C2CD5: variants seen among roughly 807,000 people sequenced by gnomAD.
C2CD5 encodes the protein C2 domain-containing protein 5.
C2CD5 carries 109 observed loss-of-function variants against 130.3 expected under a neutral mutation model. The ratio of observed to expected loss-of-function variants is 0.84; its 90% CI spans 0.72 to 0.98. The LOEUF is 0.98. Among genes scored for constraint, C2CD5 ranks in the 50% least tolerant of loss-of-function variants. The pLI is 0.00. For synonymous variants in C2CD5, 454 were observed against 429.2 expected (o/e 1.06, Z -0.71); for missense variants, 996 against 1,261.8 (o/e 0.79, Z 3.19).
intron 22 of C2CD5, chr12:22,463,384 CTT>C (rs1193525845): frequency 2.0e-5 from 3 of 150,622 alleles, no homozygotes; most frequent in East Asian, 2.0e-4. Context: ...GAGGGAGACT[CTT>C]GTCTCAAAAA....
At chr12:22,541,036 C>T (rs1253241925) in intron 2 of C2CD5, among the ~76,000 whole-genome samples, 1 of 152,108 alleles carries the variant, frequency 6.6e-6, no homozygotes, top group Admixed American at 6.5e-5. Context: ...AGTTGAGAAA[C>T]ACTGGCTTGT....
intron 9 of C2CD5, among the ~76,000 whole-genome samples, chr12:22,511,882 T>C (rs1242082277): frequency 6.6e-6 from 1 of 152,114 alleles, no homozygotes; most frequent in Non-Finnish European, 1.5e-5. Context: ...ATTCCTCTTG[T>C]GAAAAACTCT....
At chr12:22,454,310 T>G (rs1400155993) in intron 25 of C2CD5, among the ~76,000 whole-genome samples, 6 of 152,130 alleles carry the variant, frequency 3.9e-5, no homozygotes. Context: ...CTAGCTATGA[T>G]CAAATTAGCT....
rs73076699 is a variant in C2CD5 at position 22,533,134 on chromosome 12, T to A, written c.177+2124A>T. The stretch of plus-strand genomic sequence containing the variant: ...AAAACATTGCTGGCACAGGGAACAA[T>A]AAATGACAAAGATGTTTAACTTGGG... On this transcript the variant is annotated intron_variant, in intron 3 of 26. Coordinates refer to ENST00000446597, the MANE Select transcript of C2CD5 (RefSeq NM_001286176.2). Among the ~76,000 whole-genome samples the A allele has an allele frequency of 7.8e-3, 1,186 of 152,070 alleles. 5 individuals are homozygous for A. Among genetic ancestry groups the A allele is most frequent in the Non-Finnish European group, 0.012 (801 of 67,974 alleles).
At chr12:22,532,414 GC>G (rs1311087060) in intron 3 of C2CD5, among the ~76,000 whole-genome samples, 4 of 151,568 alleles carry the variant, frequency 2.6e-5, no homozygotes, top group Non-Finnish European at 5.9e-5. Flanking sequence ...ATGCTTCATA[GC>G]CACCTCAATA....
In C2CD5 at chr12:22,471,970, G is replaced by T. The variant is rs763834088; in HGVS notation, c.2265C>A (p.Leu755=). The part of the protein sequence containing the change: ...KNFNDLCENL[L]KSLYFKLRSM... ...AATTTAGTCAGAAGGTTCCTACCTT[G>T]AGCAAATTTTCACAGAGATCATTAA... is the stretch of plus-strand genomic sequence containing the variant. Residue 755 remains leucine (L), a synonymous_variant, in exon 19 of 27, where the codon CTC becomes CTA. Coordinates refer to ENST00000446597, the MANE Select transcript of C2CD5 (RefSeq NM_001286176.2). 4 of 1,582,970 alleles carry T rather than the reference G, an allele frequency of 2.5e-6. No homozygotes were observed. The highest frequency in any genetic ancestry group is 2.2e-5 in the South Asian group (2 of 90,332).
Position 22,530,111 on chromosome 12 carries a change from TACACACACACACAC to T in C2CD5, c.178-2233_178-2220del, listed in dbSNP as rs199603129. On this transcript the variant is annotated intron_variant, in intron 3 of 26. Transcript: ENST00000446597. ...ATATATATATATATATATATATATA[TACACACACACACAC>T]ACACACACACACACAGTGTATATAT... Among the ~76,000 whole-genome samples, 4 of 87,554 alleles carry T rather than the reference TACACACACACACAC, an allele frequency of 4.6e-5. 1 individual carries two copies. In the South Asian group the frequency reaches 1.1e-3, roughly 25 times the overall value. 57.4% of individuals were successfully genotyped at this position (87,554 alleles called of 152,430 possible).
Position 22,470,927 on chromosome 12 carries a change from C to A in C2CD5, c.2359-16G>T, listed in dbSNP as rs1056299013. ...TGACTGTAACCTAGAATTATAAAAA[C>A]AATAATGGTTAGCAAAATAATCACT... On this transcript the variant is annotated splice_polypyrimidine_tract_variant and intron_variant, in intron 20 of 26. Coordinates refer to ENST00000446597, the MANE Select transcript of C2CD5 (RefSeq NM_001286176.2). 2.7e-5 allele frequency: 42 copies of A among 1,570,098 alleles called. No individual in the cohort carries two copies. The highest frequency in any genetic ancestry group is 3.4e-5 in the Non-Finnish European group (39 of 1,143,974).
rs148022231 is a variant in C2CD5, at chr12:22,523,533, C to T, written c.693G>A (p.Glu231=). Residue 231 remains glutamate (E), a synonymous_variant, in exon 7 of 27, where the codon GAG becomes GAA. Coordinates refer to ENST00000446597, the MANE Select transcript of C2CD5 (RefSeq NM_001286176.2). ...GYLQCFDLEG[E]SGLVVRAIGT... is the part of the protein sequence containing the mutation. ...CTATGGCTCGCACCACTAACCCAGA[C>T]TCGCCCTCCAGATCGAAACACTGTA... The T allele has an allele frequency of 1.1e-4, 173 of 1,614,026 alleles. 1 individual carries two copies. In the African/African-American group the frequency reaches 1.8e-3, roughly 17 times the overall value.
chr12:22,541,899 T>C (rs74068237), intron 2 of C2CD5, among the ~76,000 whole-genome samples: 8,013 of 152,214 alleles, frequency 0.053, 716 homozygotes, highest in African/African-American at 0.18. Context: ...TGTATATACA[T>C]CGGCTAGACC....
chr12:22,527,956 A>C (rs977858450), intron 3 of C2CD5, 64 bp from the exon 4 acceptor site: 3 of 885,396 alleles, frequency 3.4e-6, no homozygotes, highest in Non-Finnish European at 4.9e-6. Flanking sequence ...ACAAATGTAT[A>C]CCTATATCAA....
intron 15 of C2CD5, among the ~76,000 whole-genome samples, chr12:22,476,897 T>C (rs1007726475): frequency 6.6e-6 from 1 of 152,092 alleles, no homozygotes; most frequent in African/African-American, 2.4e-5. Flanking sequence ...TATAAACAGA[T>C]GTTCAAATAT....
chr12:22,506,649 A>G, intron 10 of C2CD5, 62 bp downstream of exon 10: 1 of 989,282 alleles, frequency 1.0e-6, no homozygotes, highest in Non-Finnish European at 1.6e-6. Flanking sequence ...AAAAATCATA[A>G]AAATCAATTT....
chr12:22,470,218 T>C (rs1217816335), intron 21 of C2CD5, among the ~76,000 whole-genome samples: 2 of 152,156 alleles, frequency 1.3e-5, no homozygotes, highest in African/African-American at 4.8e-5. Flanking sequence ...ATCAATGCTA[T>C]ACATGTAGAA....
At chr12:22,533,424 C>T (rs1951507819) in intron 3 of C2CD5, among the ~76,000 whole-genome samples, 1 of 152,160 alleles carries the variant, frequency 6.6e-6, no homozygotes, top group South Asian at 2.1e-4. Flanking sequence ...TTTTGTATGT[C>T]ATCTTGTTGT....
intron 10 of C2CD5, among the ~76,000 whole-genome samples, chr12:22,504,961 G>GA (rs1027615409): frequency 2.6e-5 from 4 of 151,214 alleles, no homozygotes; most frequent in Non-Finnish European, 5.9e-5. Context: ...GAAACGGGGG[G>GA]AAAAAAAACT....
rs547261874 is a variant in C2CD5 at position 22,457,628 on chromosome 12, C to G, written c.2687-467G>C. On this transcript the variant is annotated intron_variant, in intron 24 of 26. Coordinates refer to ENST00000446597, the MANE Select transcript of C2CD5 (RefSeq NM_001286176.2). ...TTGTAAGATACTGGTTTTTTCCAAACCTTTTTGAAAACCAACTCATAATTT... is the reference window on the plus strand; with the variant it reads ...TTGTAAGATACTGGTTTTTTCCAAAGCTTTTTGAAAACCAACTCATAATTT... 3.1e-4 allele frequency among the ~76,000 whole-genome samples: 47 copies of G among 151,984 alleles called. 1 individual carries two copies. The highest frequency in any genetic ancestry group is 6.3e-4 in the Non-Finnish European group (43 of 67,996).
At chr12:22,500,254 A>G (rs1947590516) in intron 10 of C2CD5, among the ~76,000 whole-genome samples, 1 of 151,988 alleles carries the variant, frequency 6.6e-6, no homozygotes, top group Non-Finnish European at 1.5e-5. Flanking sequence ...GGAGACAGAA[A>G]AAAAAAAAAA....
At chr12:22,461,681 T>C (rs1941187804) in intron 22 of C2CD5, among the ~76,000 whole-genome samples, 1 of 152,142 alleles carries the variant, frequency 6.6e-6, no homozygotes, top group Admixed American at 6.5e-5. Context: ...ATTTTTGTAA[T>C]ATTCAAATTT....
Sources: allele counts gnomAD v4.1 joint callset (sites outside exome capture counted in the v4.1 genomes callset), GRCh38; gene constraint gnomAD v4.1.1; transcripts MANE v1.5; gene names NCBI Gene and HGNC (gene_info 2026-07-23, HGNC 2026-07-21).